Variants in CIB4 observed in about 807,000 individuals in gnomAD.
CIB4 encodes calcium and integrin-binding family member 4.
CIB4 carries 25 observed loss-of-function variants against 25.8 expected under a neutral mutation model. The observed-to-expected ratio is 0.97, with a 90% CI of 0.71 to 1.35. The LOEUF (loss-of-function observed/expected upper bound fraction) is 1.35. Among genes scored for constraint, CIB4 ranks in the 40% most tolerant of loss-of-function variants. The pLI is 0.00. For missense variants in CIB4, 235 were observed against 228.2 expected, an observed-to-expected ratio of 1.03 and a Z score of -0.19; for synonymous variants, 75 against 81.4, an observed-to-expected ratio of 0.92 and a Z score of 0.42.
intron 3 of CIB4, among the ~76,000 whole-genome samples, chr2:26,609,337 C>T (rs12613651): frequency 0.078 from 11,887 of 152,106 alleles, 595 homozygotes; most frequent in East Asian, 0.14. Flanking sequence ...GCAGCGGATG[C>T]AAATGCTACA....
At chr2:26,604,776 G>C (rs1016942011) in intron 3 of CIB4, among the ~76,000 whole-genome samples, 1 of 152,102 alleles carries the variant, frequency 6.6e-6, no homozygotes, top group African/African-American at 2.4e-5. Flanking sequence ...TAAACATAAA[G>C]GGTTTTTCCC....
chr2:26,593,657 A>G (rs564038835), intron 4 of CIB4, among the ~76,000 whole-genome samples: 1 of 152,288 alleles, frequency 6.6e-6, no homozygotes, highest in East Asian at 1.9e-4. Context: ...AGCTTCTTGG[A>G]TATTATAAAT....
At chr2:26,631,903 C>G (rs759222201) in intron 2 of CIB4, among the ~76,000 whole-genome samples, 1 of 152,246 alleles carries the variant, frequency 6.6e-6, no homozygotes, top group Non-Finnish European at 1.5e-5. Context: ...GCAGCTCCAG[C>G]TCTCAGCTAT....
chr2:26,582,685 TGAAA>T (rs1668370064), intron 6 of CIB4, 136 bp downstream of exon 6: 1 of 542,402 alleles, frequency 1.8e-6, no homozygotes, highest in African/African-American at 1.9e-5. Flanking sequence ...TTGCTGACTC[TGAAA>T]GAATCTGCAA....
At position 26,599,045 on chromosome 2, in the gene CIB4, C is replaced by T. The variant is rs188956005; in HGVS notation, c.187-3728G>A. 2.8e-4 allele frequency among the ~76,000 whole-genome samples: 43 copies of T among 152,266 alleles called. 1 individual carries two copies. The East Asian group carries it at 7.5e-3, about 27-fold the overall frequency. ...TAACTTTAATAGTCTGAAATCTGAA[C>T]GAATAAATTTGGGGACCTATCCAGA... On this transcript the variant is annotated intron_variant, in intron 3 of 6. Coordinates refer to ENST00000288861, the MANE Select transcript of CIB4 (RefSeq NM_001029881.3).
chr2:26,605,538 CTCT>C (rs766795516), intron 3 of CIB4: 42 of 471,104 alleles, frequency 8.9e-5, no homozygotes, highest in South Asian at 5.7e-4. Flanking sequence ...TCAGGGAAGG[CTCT>C]TCTTCCTTCA....
At chr2:26,598,322 A>ACAGAAT (rs1459590181) in intron 3 of CIB4, among the ~76,000 whole-genome samples, 3 of 151,894 alleles carry the variant, frequency 2.0e-5, no homozygotes, top group South Asian at 2.1e-4. Context: ...AAGTGCAAAA[A>ACAGAAT]CAGAATCTAG....
intron 3 of CIB4, among the ~76,000 whole-genome samples, chr2:26,619,406 C>T (rs972471442): frequency 2.0e-5 from 3 of 152,064 alleles, no homozygotes; most frequent in African/African-American, 7.2e-5. Context: ...GTTGTGGGGG[C>T]AGCTGCTATA....
Position 26,605,193 on chromosome 2 carries a change from AAACAT to A in CIB4, c.187-9881_187-9877del, listed in dbSNP as rs1239067884. On this transcript the variant is annotated intron_variant, in intron 3 of 6. Coordinates refer to ENST00000288861, the MANE Select transcript of CIB4 (RefSeq NM_001029881.3). Reference sequence around the variant, plus strand: ...ATTATTTTGAACTAAGTGAAAATGAAAACATAACATATGAAAATTTGTGGTATTCA... The same window carrying A: ...ATTATTTTGAACTAAGTGAAAATGAAAACATATGAAAATTTGTGGTATTCA... Among the ~76,000 whole-genome samples, 18 of 152,278 alleles carry A rather than the reference AAACAT, an allele frequency of 1.2e-4. No homozygotes were observed. The East Asian group carries it at 3.1e-3, about 26-fold the overall frequency.
At chr2:26,614,519 A>T (rs1376339266) in intron 3 of CIB4, among the ~76,000 whole-genome samples, 1 of 152,218 alleles carries the variant, frequency 6.6e-6, no homozygotes, top group Non-Finnish European at 1.5e-5. Context: ...CACCTCAGAC[A>T]CATGAACAGT....
intron 3 of CIB4, among the ~76,000 whole-genome samples, chr2:26,608,218 C>T (rs1407374550): frequency 7.6e-6 from 1 of 131,408 alleles, no homozygotes; most frequent in Non-Finnish European, 1.6e-5. Context: ...CCAGCCTGGG[C>T]AACAGAGTTA....
Position 26,589,051 on chromosome 2 carries a change from T to C in CIB4, c.329-5153A>G, listed in dbSNP as rs867352843. ...CTTCTTCTTCTTCTTCTTCTTCTTCTTCTTCTTCCTCTTCCTCTTCCTCTT... is the reference window on the plus strand; with the variant it reads ...CTTCTTCTTCTTCTTCTTCTTCTTCCTCTTCTTCCTCTTCCTCTTCCTCTT... On this transcript the variant is annotated intron_variant, in intron 4 of 6. Coordinates refer to ENST00000288861, the MANE Select transcript of CIB4 (RefSeq NM_001029881.3). 4.0e-3 allele frequency among the ~76,000 whole-genome samples: 203 copies of C among 51,302 alleles called. 13 individuals carry two copies. The highest frequency in any genetic ancestry group is 9.8e-3 in the African/African-American group (116 of 11,856). 33.7% of individuals were successfully genotyped at this position (51,302 alleles called of 152,430 possible).
At chr2:26,639,554 A>T (rs1301847014) in intron 2 of CIB4, among the ~76,000 whole-genome samples, 2 of 152,090 alleles carry the variant, frequency 1.3e-5, no homozygotes, top group African/African-American at 2.4e-5. Flanking sequence ...GGGTAGTAGG[A>T]TATGGGTCAT....
Position 26,595,246 on chromosome 2 carries a change from C to A in CIB4, c.258G>T (p.Leu86=), listed in dbSNP as rs1268664563. The A allele has an allele frequency of 1.9e-6, 3 of 1,614,050 alleles. No individual in the cohort carries two copies. In the African/African-American group the frequency reaches 4.0e-5, roughly 22 times the overall value. The change falls in exon 4 of 7, where the codon CTG becomes CTT. Residue 86 remains leucine (L), a synonymous_variant. Coordinates refer to ENST00000288861, the MANE Select transcript of CIB4 (RefSeq NM_001029881.3). ...GCTCGCTGAACACAGATGCCATGCCCAGCACATCCTCAAAGGAGAACATGC... is the reference window on the plus strand; with the variant it reads ...GCTCGCTGAACACAGATGCCATGCCAAGCACATCCTCAAAGGAGAACATGC... ...HKGMFSFEDV[L]GMASVFSEQA...
chr2:26,592,748 G>A (rs948787918), intron 4 of CIB4, among the ~76,000 whole-genome samples: 1 of 152,124 alleles, frequency 6.6e-6, no homozygotes, highest in Non-Finnish European at 1.5e-5. Context: ...AGCTCATCCA[G>A]TGCATTTTTG....
Position 26,595,861 on chromosome 2 carries a change from C to T in CIB4, c.187-544G>A, listed in dbSNP as rs566723157. ...GGAGGTGGTTGCCAGGACACCAATA[C>T]ACTCCTTAGATCCATGTCACATGAC... is the stretch of plus-strand genomic sequence containing the variant. On this transcript the variant is annotated intron_variant, in intron 3 of 6. Coordinates refer to ENST00000288861, the MANE Select transcript of CIB4 (RefSeq NM_001029881.3). Among the ~76,000 whole-genome samples, 3 of 152,206 alleles carry T rather than the reference C, an allele frequency of 2.0e-5. No individual in the cohort carries two copies. In the South Asian group the frequency reaches 6.2e-4, roughly 32 times the overall value.
At chr2:26,626,365 A>G (rs1669303331) in intron 3 of CIB4, among the ~76,000 whole-genome samples, 1 of 150,234 alleles carries the variant, frequency 6.7e-6, no homozygotes, top group Non-Finnish European at 1.5e-5. Flanking sequence ...TGGAAAAGCA[A>G]GAAAGAAACC....
Position 26,641,297 on chromosome 2 carries a change from C to T in CIB4, c.18G>A (p.Arg6=), listed in dbSNP as rs1300551195. The change falls in exon 1 of 7, where the codon AGG becomes AGA. Residue 6 remains arginine, a synonymous_variant. Coordinates refer to ENST00000288861, the MANE Select transcript of CIB4 (RefSeq NM_001029881.3). MGQCL[R]YQMHWEDLEE... is the part of the protein sequence containing the mutation. ...CCAGGTCCTCCCAGTGCATCTGATA[C>T]CTCAAGCATTGCCCCATGCCAACCA... The T allele has an allele frequency of 1.9e-6, 3 of 1,613,802 alleles. No individual in the cohort carries two copies. The highest frequency in any genetic ancestry group is 3.3e-5 in the Admixed American group (2 of 60,014).
At chr2:26,636,475 C>A (rs1669534546) in intron 2 of CIB4, among the ~76,000 whole-genome samples, 1 of 152,126 alleles carries the variant, frequency 6.6e-6, no homozygotes, top group African/African-American at 2.4e-5. Flanking sequence ...TCTTGGAACC[C>A]CTGACTCCCT....
Sources: gnomAD v4.1 joint callset for allele counts (sites outside exome capture counted in the v4.1 genomes callset) on GRCh38, gnomAD v4.1.1 for gene constraint, MANE v1.5 for transcripts, NCBI Gene and HGNC (gene_info 2026-07-23, HGNC 2026-07-21) for gene names.